PKHD1L1: variants seen among roughly 807,000 people sequenced by gnomAD.
The protein encoded by PKHD1L1 is PKHD1 like 1, also known as fibrocystin-L.
Under a neutral mutation model 462.9 loss-of-function variants are expected in PKHD1L1, and 434 were observed. That is an observed-to-expected ratio of 0.94 (90% confidence interval 0.87 to 1.02). PKHD1L1 has a LOEUF of 1.02. Among genes scored for constraint, PKHD1L1 ranks in the 50% least tolerant of loss-of-function variants. The probability of loss-of-function intolerance (pLI) is 0.00; values close to 1 mark genes in which losing one functional copy is unlikely to be tolerated. For synonymous variants in PKHD1L1, 1,781 were observed against 1,750.0 expected (o/e 1.02, Z -0.44); for missense variants, 5,202 against 5,096.1 (o/e 1.02, Z -0.63).
Position 109,409,805 on chromosome 8 carries a change from A to C in PKHD1L1, c.1972-60A>C. The stretch of plus-strand genomic sequence containing the variant: ...ACTAATTAGTAGAATCAGTAGTAGG[A>C]TTACGAGTGTTCTAACTTTTCATGA... On this transcript the variant is annotated intron_variant, in intron 18 of 77. Coordinates refer to ENST00000378402, the MANE Select transcript of PKHD1L1 (RefSeq NM_177531.6). 12 of 896,606 alleles carry C rather than the reference A, an allele frequency of 1.3e-5. No homozygotes were observed. In the South Asian group the frequency reaches 2.1e-4, roughly 16 times the overall value. 55.5% of individuals were successfully genotyped at this position (896,606 alleles called of 1,614,324 possible). A position where few individuals can be genotyped will look rare whatever the true frequency, so the allele number is the denominator to read the frequency against.
chr8:109,459,600 G>A lies in PKHD1L1; in HGVS notation c.7010G>A (p.Ser2337Asn). Residue 2337 changes from serine (S) to asparagine (N), a missense_variant, in exon 47 of 78, where the codon AGT becomes AAT. By Grantham distance (46) the Ser-to-Asn change is conservative. Around this residue, in one of 3 missense-constraint regions of PKHD1L1, gnomAD observed 4,497 missense variants for 4,336.8 expected, o/e 1.04. Coordinates refer to ENST00000378402, the MANE Select transcript of PKHD1L1 (RefSeq NM_177531.6). ...TTTTGTCAAAATTTTTACAGACACAGTCAAGGAGAGAATGAAAAAATGACC... is the reference window on the plus strand; with the variant it reads ...TTTTGTCAAAATTTTTACAGACACAATCAAGGAGAGAATGAAAAAATGACC... ...IVIASTGHRH[S>N]QGENEKMTIA... 1.3e-6 allele frequency: 2 copies of A among 1,553,174 alleles called. No homozygotes were observed. Among genetic ancestry groups the A allele is most frequent in the Non-Finnish European group, 1.7e-6 (2 of 1,148,054 alleles).
intron 22 of PKHD1L1, 82 bp from the exon 23 acceptor site, chr8:109,420,436 T>C: frequency 1.3e-6 from 1 of 751,518 alleles, no homozygotes; most frequent in Non-Finnish European, 1.9e-6. Context: ...TGCAATTTTA[T>C]CTCCTCTATT....
At chr8:109,425,258 G>T in intron 24 of PKHD1L1, 26 bp downstream of exon 24, 10 of 1,540,110 alleles carry the variant, frequency 6.5e-6, no homozygotes, top group Non-Finnish European at 8.7e-6. Flanking sequence ...TTAAAATATT[G>T]GTGTATACGC....
Position 109,429,404 on chromosome 8 carries a change from G to T in PKHD1L1, c.3065G>T (p.Gly1022Val), listed in dbSNP as rs2130687427. The T allele has an allele frequency of 3.1e-6, 5 of 1,599,214 alleles. No individual in the cohort carries two copies. The highest frequency in any genetic ancestry group is 2.7e-5 in the African/African-American group (2 of 74,748). The change falls in exon 26 of 78, where the codon GGC becomes GTC. Residue 1022 changes from glycine to valine, a missense_variant. Gly to Val is a moderately radical substitution (Grantham distance 109). Around this residue, in one of 3 missense-constraint regions of PKHD1L1, gnomAD observed 4,497 missense variants for 4,336.8 expected, o/e 1.04. Transcript: ENST00000378402. ...NMTVTRIKEGGLFRQHVLGDL... is the reference protein window; with the variant it reads ...NMTVTRIKEGVLFRQHVLGDL... ...ACAGTTACAAGGATAAAGGAAGGTGGCTTATTCAGACAACATGTACTTGGA... is the reference window on the plus strand; with the variant it reads ...ACAGTTACAAGGATAAAGGAAGGTGTCTTATTCAGACAACATGTACTTGGA...
rs774590232 is a variant in PKHD1L1, at chr8:109,406,475, A to G, written c.1810A>G (p.Arg604Gly). ...CTACATGGTAACATTCATATCAACT[A>G]GAGGTAAGCATGTACTTAATTTTGT... The part of the protein sequence containing the change: ...YVYMVTFIST[R>G]GDFDLLGYEV... The change falls in exon 17 of 78, where the codon AGA becomes GGA. Residue 604 changes from arginine (R) to glycine (G), a missense_variant. Physicochemically the swap from Arg to Gly is moderately radical, Grantham distance 125. This residue lies in a region of PKHD1L1 where 4,497 missense variants were observed against 4,336.8 expected (regional missense o/e 1.04). Transcript: ENST00000378402. 1.3e-6 allele frequency: 2 copies of G among 1,596,794 alleles called. No homozygotes were observed. The highest frequency in any genetic ancestry group is 1.7e-5 in the Admixed American group (1 of 57,498).
At chr8:109,366,405 T>G (rs1051192387) in intron 2 of PKHD1L1, among the ~76,000 whole-genome samples, 1 of 152,308 alleles carries the variant, frequency 6.6e-6, no homozygotes. Context: ...TACTGCCTTA[T>G]AGAGGCAGAG....
intron 36 of PKHD1L1, 85 bp downstream of exon 36, chr8:109,443,201 G>C: frequency 3.8e-6 from 5 of 1,309,416 alleles, no homozygotes; most frequent in Admixed American, 1.8e-5. Flanking sequence ...AGATAACTGG[G>C]TCTAACTGTG....
intron 30 of PKHD1L1, among the ~76,000 whole-genome samples, chr8:109,437,503 C>A (rs1281016914): frequency 8.0e-6 from 1 of 124,620 alleles, no homozygotes; most frequent in Non-Finnish European, 1.6e-5. Context: ...CTCCCCCCAC[C>A]CCACAACAGG....
At chr8:109,410,013 A>G in intron 19 of PKHD1L1, 35 bp downstream of exon 19, 2 of 1,144,254 alleles carry the variant, frequency 1.7e-6, no homozygotes, top group Non-Finnish European at 2.5e-6. Context: ...AAACTGACCT[A>G]ATAAGAATTT....
intron 7 of PKHD1L1, 102 bp downstream of exon 7, chr8:109,388,652 A>C: frequency 7.8e-6 from 6 of 773,446 alleles, no homozygotes; most frequent in Non-Finnish European, 1.0e-5. Context: ...TAAATGGTTT[A>C]TAATACAGTA....
At chr8:109,414,962 ATT>A (rs1814058442) in intron 21 of PKHD1L1, among the ~76,000 whole-genome samples, 2 of 4,520 alleles carry the variant, frequency 4.4e-4, no homozygotes, top group East Asian at 9.3e-3. Flanking sequence ...TCATCCCAAC[ATT>A]ATTATTATTA....
At chr8:109,440,431 A>G (rs905736593) in intron 32 of PKHD1L1, among the ~76,000 whole-genome samples, 3 of 152,120 alleles carry the variant, frequency 2.0e-5, no homozygotes, top group South Asian at 2.1e-4. Flanking sequence ...CTCAGTTCTC[A>G]TAAGCATATT....
At chr8:109,434,343 C>CA (rs1815274233) in intron 28 of PKHD1L1, among the ~76,000 whole-genome samples, 1 of 150,232 alleles carries the variant, frequency 6.7e-6, no homozygotes, top group Non-Finnish European at 1.5e-5. Context: ...TGTTTTCATA[C>CA]ATACATCTCT....
chr8:109,426,286 A>G (rs1814744647), intron 24 of PKHD1L1, among the ~76,000 whole-genome samples: 1 of 152,066 alleles, frequency 6.6e-6, no homozygotes, highest in Non-Finnish European at 1.5e-5. Flanking sequence ...TTTCTATATT[A>G]AAAGATCATT....
chr8:109,487,597 T>A (rs1818597207), intron 59 of PKHD1L1, among the ~76,000 whole-genome samples: 1 of 151,902 alleles, frequency 6.6e-6, no homozygotes, highest in African/African-American at 2.4e-5. Context: ...GGTCCTCTAA[T>A]TCTGTGGAGT....
chr8:109,485,468 G>A (rs997892133), intron 58 of PKHD1L1, among the ~76,000 whole-genome samples: 3 of 151,954 alleles, frequency 2.0e-5, no homozygotes, highest in South Asian at 2.1e-4. Flanking sequence ...TCTTGTGCAC[G>A]CTGAAATTTG....
chr8:109,478,660 T>C (rs1214644005), intron 53 of PKHD1L1, among the ~76,000 whole-genome samples: 1 of 152,110 alleles, frequency 6.6e-6, no homozygotes, highest in Admixed American at 6.6e-5. Flanking sequence ...GAGAGAATCA[T>C]CAAGGCCCTT....
intron 24 of PKHD1L1, among the ~76,000 whole-genome samples, chr8:109,426,279 C>A (rs538149222): frequency 3.3e-4 from 50 of 151,952 alleles, no homozygotes; most frequent in Middle Eastern, 3.4e-3. Context: ...AAAAGTATTT[C>A]TATATTAAAA....
chr8:109,523,029 G>A, intron 75 of PKHD1L1, 139 bp downstream of exon 75: 1 of 1,069,776 alleles, frequency 9.3e-7, no homozygotes, highest in Middle Eastern at 3.1e-4. Flanking sequence ...AATATCCAAG[G>A]ATACCATCTT....
Sources: gnomAD v4.1 joint callset for allele counts (sites outside exome capture counted in the v4.1 genomes callset) on GRCh38, gnomAD v4.1.1 for gene constraint, gnomAD v4.1.1 regional missense constraint, MANE v1.5 for transcripts, NCBI Gene and HGNC (gene_info 2026-07-23, HGNC 2026-07-21) for gene names.